The following SPATS2 variants were observed in gnomAD, a reference collection of about 807,000 sequenced individuals.
The protein encoded by SPATS2 is spermatogenesis associated serine rich 2, also known as spermatogenesis-associated serine-rich protein 2.
Under a neutral mutation model 63.7 loss-of-function variants are expected in SPATS2, and 38 were observed. That is an observed-to-expected ratio of 0.60 (90% CI 0.46 to 0.78). The LOEUF (loss-of-function observed/expected upper bound fraction) is 0.78, where lower values mean the gene tolerates loss of function less well. Ranked by LOEUF, SPATS2 falls within the 30% of genes least tolerant of loss-of-function variation. SPATS2 has a pLI of 0.00. For missense variants in SPATS2, 588 were observed against 666.2 expected, an observed-to-expected ratio of 0.88 and a Z score of 1.29; for synonymous variants, 207 against 232.9, an observed-to-expected ratio of 0.89 and a Z score of 1.01.
intron 1 of SPATS2, among the ~76,000 whole-genome samples, chr12:49,367,965 C>T (rs1207682534): frequency 1.3e-5 from 2 of 152,126 alleles, no homozygotes; most frequent in Admixed American, 6.6e-5. Context: ...AGTAGGGATG[C>T]GTAAGGTCAC....
At chr12:49,460,722 A>T in intron 2 of SPATS2, 48 bp from the exon 3 acceptor site, 1 of 356,200 alleles carries the variant, frequency 2.8e-6, no homozygotes, top group East Asian at 5.6e-5. Flanking sequence ...TTTTGTACAG[A>T]TAGTCATTAC....
chr12:49,517,409 T>C (rs1012201504), intron 10 of SPATS2, among the ~76,000 whole-genome samples: 1 of 152,226 alleles, frequency 6.6e-6, no homozygotes, highest in Non-Finnish European at 1.5e-5. Flanking sequence ...TCTTTAAAAC[T>C]TCTGTTTTTT....
chr12:49,461,422 C>A (rs911174439), intron 3 of SPATS2, among the ~76,000 whole-genome samples: 1 of 152,140 alleles, frequency 6.6e-6, no homozygotes, highest in Admixed American at 6.6e-5. Flanking sequence ...TTTAGCTTTC[C>A]TTCCGGGAAT....
At chr12:49,402,205 G>T (rs183212442) in intron 2 of SPATS2, among the ~76,000 whole-genome samples, 1 of 152,148 alleles carries the variant, frequency 6.6e-6, no homozygotes, top group South Asian at 2.1e-4. Context: ...TCTTAACAGG[G>T]GTTGTATTTA....
chr12:49,476,295 G>T (rs1371361609), intron 3 of SPATS2, among the ~76,000 whole-genome samples: 1 of 152,084 alleles, frequency 6.6e-6, no homozygotes, highest in East Asian at 1.9e-4. Flanking sequence ...GTTTGGCTGG[G>T]GCAGTAGGAG....
intron 2 of SPATS2, among the ~76,000 whole-genome samples, chr12:49,439,928 A>G (rs1330464670): frequency 6.6e-6 from 1 of 152,214 alleles, no homozygotes. Context: ...TAGAAGTTTC[A>G]TCAGGATAAG....
At chr12:49,380,542 T>A (rs1032270422) in intron 2 of SPATS2, among the ~76,000 whole-genome samples, 1 of 151,938 alleles carries the variant, frequency 6.6e-6, no homozygotes, top group Non-Finnish European at 1.5e-5. Context: ...CCCGCCTCTA[T>A]TAAAAATACA....
At chr12:49,413,319 T>G (rs534897911) in intron 2 of SPATS2, among the ~76,000 whole-genome samples, 12 of 152,242 alleles carry the variant, frequency 7.9e-5, no homozygotes, top group Middle Eastern at 6.8e-3. Context: ...TCTCTCTCTA[T>G]TTTCGTGTAG....
chr12:49,504,770 CTTTTTTTTT>C (rs745453843), intron 9 of SPATS2, among the ~76,000 whole-genome samples: 1 of 98,860 alleles, frequency 1.0e-5, no homozygotes, highest in African/African-American at 3.8e-5. Flanking sequence ...TTCTTTCTTT[CTTTTTTTTT>C]TTTTTTTTTT....
At chr12:49,441,598 C>A (rs994003331) in intron 2 of SPATS2, 2 of 152,190 alleles carry the variant, frequency 1.3e-5, no homozygotes, top group Non-Finnish European at 2.9e-5. Flanking sequence ...AATCCAATTA[C>A]CTTTTTTCTT....
chr12:49,476,597 A>G (rs1180019057), intron 3 of SPATS2, among the ~76,000 whole-genome samples: 1 of 152,022 alleles, frequency 6.6e-6, no homozygotes, highest in Non-Finnish European at 1.5e-5. Context: ...AGCTGTAAAC[A>G]TTCACCCCTA....
At chr12:49,390,226 GA>G in intron 2 of SPATS2, 2 of 918,756 alleles carry the variant, frequency 2.2e-6, no homozygotes, top group Non-Finnish European at 3.3e-6. Context: ...GTGAATGAAT[GA>G]ATGAACAGAA....
At chr12:49,488,367 T>G (rs760360253) in intron 4 of SPATS2, among the ~76,000 whole-genome samples, 1 of 151,974 alleles carries the variant, frequency 6.6e-6, no homozygotes, top group Admixed American at 6.6e-5. Context: ...TCAAAAAATA[T>G]GAAATACAGG....
rs1481121209 is a variant in SPATS2 at position 49,504,631 on chromosome 12, A to C, written c.839+4426A>C. 3.9e-5 allele frequency among the ~76,000 whole-genome samples: 6 copies of C among 152,230 alleles called. No homozygotes were observed. The East Asian group carries it at 1.2e-3, about 29-fold the overall frequency. On this transcript the variant is annotated intron_variant, in intron 9 of 13. Transcript: ENST00000552918. ...AAAAGGAGAAATGGGTAAGAGAAAA[A>C]GATTATCAAGAAATTTGAGATTATA...
At chr12:49,446,853 G>A (rs1047938828) in intron 2 of SPATS2, among the ~76,000 whole-genome samples, 2 of 152,084 alleles carry the variant, frequency 1.3e-5, no homozygotes, top group Non-Finnish European at 2.9e-5. Context: ...GAATCTTGGG[G>A]AGATATCTTT....
At chr12:49,417,286 G>A (rs751999046) in intron 2 of SPATS2, among the ~76,000 whole-genome samples, 3 of 152,190 alleles carry the variant, frequency 2.0e-5, no homozygotes, top group Non-Finnish European at 2.9e-5. Flanking sequence ...CTTTGCAAGG[G>A]TTAAAGAATA....
chr12:49,409,388 CTCCGCCTCCCGGGT>C (rs1396245430), intron 2 of SPATS2, among the ~76,000 whole-genome samples: 3 of 151,994 alleles, frequency 2.0e-5, no homozygotes, highest in African/African-American at 7.3e-5. Context: ...TCACTGCAAG[CTCCGCCTCCCGGGT>C]TCACGCCATT....
At chr12:49,512,895 A>G in intron 9 of SPATS2, 1 of 1,289,262 alleles carries the variant, frequency 7.8e-7, no homozygotes, top group Non-Finnish European at 1.0e-6. Context: ...TTGGAGCAAA[A>G]TATTGCCAAG....
At chr12:49,406,480 G>A (rs957571589) in intron 2 of SPATS2, 1 of 152,134 alleles carries the variant, frequency 6.6e-6, no homozygotes, top group African/African-American at 2.4e-5. Context: ...TAGAGATGGA[G>A]TCTCACTATG....
Sources: allele counts gnomAD v4.1 joint callset (sites outside exome capture counted in the v4.1 genomes callset), GRCh38; gene constraint gnomAD v4.1.1; transcripts MANE v1.5; gene names NCBI Gene and HGNC (gene_info 2026-07-23, HGNC 2026-07-21).